Variants in PMFBP1 observed in about 807,000 individuals in gnomAD.
PMFBP1 encodes polyamine modulated factor 1 binding protein 1.
Under a neutral mutation model 137.8 loss-of-function variants are expected in PMFBP1, and 131 were observed. That is an observed-to-expected ratio of 0.95 (90% CI 0.82 to 1.10). PMFBP1 has a LOEUF of 1.10. Among genes scored for constraint, PMFBP1 ranks in the 50% least tolerant of loss-of-function variants. The pLI, the probability that PMFBP1 is intolerant of heterozygous loss-of-function variation, is 0.00. For missense variants in PMFBP1, 1,199 were observed against 1,175.4 expected (o/e 1.02, Z -0.29); for synonymous variants, 490 against 450.4 (o/e 1.09, Z -1.11).
At chr16:72,195,724 C>T in the PMFBP1 span, among the ~76,000 whole-genome samples, 48 of 152,328 alleles carry the variant, frequency 3.2e-4, 2 homozygotes, top group Admixed American at 1.0e-3. Context: ...CACATTGGAG[C>T]GTTCTCAGGG....
At chr16:72,223,122 T>G in the PMFBP1 span, among the ~76,000 whole-genome samples, 14 of 152,218 alleles carry the variant, frequency 9.2e-5, no homozygotes, top group African/African-American at 2.2e-4. Context: ...GAAGTTTTGC[T>G]TCCTGTTCTC....
At chr16:72,193,233 A>C in the PMFBP1 span, among the ~76,000 whole-genome samples, 10 of 152,084 alleles carry the variant, frequency 6.6e-5, no homozygotes, top group African/African-American at 2.4e-4. Context: ...CAATAAAATA[A>C]AATAAAAATT....
chr16:72,236,107 A>G, the PMFBP1 span, among the ~76,000 whole-genome samples: 103 of 152,302 alleles, frequency 6.8e-4, no homozygotes, highest in Non-Finnish European at 1.4e-3. Flanking sequence ...ACCACTAAAT[A>G]CGATATTAAT....
the PMFBP1 span, among the ~76,000 whole-genome samples, chr16:72,215,887 T>A: frequency 5.9e-5 from 9 of 152,334 alleles, no homozygotes; most frequent in South Asian, 1.7e-3. Flanking sequence ...TTTGTTTTTG[T>A]CAGGAAGAGG....
chr16:72,203,647 C>G, the PMFBP1 span, among the ~76,000 whole-genome samples: 9 of 152,222 alleles, frequency 5.9e-5, no homozygotes, highest in African/African-American at 2.2e-4. Context: ...CTAATTATAT[C>G]ACTTCCTGAT....
the PMFBP1 span, among the ~76,000 whole-genome samples, chr16:72,203,084 A>G: frequency 1.3e-5 from 2 of 152,210 alleles, no homozygotes; most frequent in Non-Finnish European, 1.5e-5. Flanking sequence ...TGATTCTTGC[A>G]GTTCTTTGCA....
In PMFBP1 at chr16:72,122,989, C is replaced by A. The variant is rs745599842; in HGVS notation, c.2694-1G>T. 1.9e-6 allele frequency: 3 copies of A among 1,612,360 alleles called. No individual in the cohort carries two copies. Among genetic ancestry groups the A allele is most frequent in the Non-Finnish European group, 2.5e-6 (3 of 1,179,690 alleles). On this transcript the variant is annotated splice_acceptor_variant, in intron 18 of 20. Coordinates refer to ENST00000237353, the MANE Select transcript of PMFBP1 (RefSeq NM_031293.3). LOFTEE classifies it high-confidence loss of function. ...GTTTCCTAGTTTCTCATTGGCGACCCTGTAATAAAATCACAGGAGAAAACA... is the reference window on the plus strand; with the variant it reads ...GTTTCCTAGTTTCTCATTGGCGACCATGTAATAAAATCACAGGAGAAAACA...
intron 19 of PMFBP1, among the ~76,000 whole-genome samples, chr16:72,121,519 C>T (rs147222952): frequency 5.3e-5 from 8 of 152,228 alleles, no homozygotes; most frequent in East Asian, 1.9e-4. Context: ...TGGGGTGCCA[C>T]GAATGGATTC....
the PMFBP1 span, among the ~76,000 whole-genome samples, chr16:72,232,158 T>C: frequency 6.6e-6 from 1 of 152,284 alleles, no homozygotes; most frequent in African/African-American, 2.4e-5. Flanking sequence ...AGTGATGGAT[T>C]TTTCAATCAA....
the PMFBP1 span, among the ~76,000 whole-genome samples, chr16:72,237,632 A>G: frequency 1.3e-5 from 2 of 152,080 alleles, no homozygotes; most frequent in African/African-American, 2.4e-5. Flanking sequence ...CCAACTCTAT[A>G]TGTCTTTTTT....
chr16:72,118,764 G>GGT (rs10659149), downstream of PMFBP1, among the ~76,000 whole-genome samples: 47,809 of 99,508 alleles, frequency 0.48, 7,778 homozygotes, highest in Non-Finnish European at 0.49. Flanking sequence ...GGTGGTGGGC[G>GGT]GGGGGGCAGG....
At chr16:72,227,257 AG>A in the PMFBP1 span, among the ~76,000 whole-genome samples, 1 of 152,250 alleles carries the variant, frequency 6.6e-6, no homozygotes, top group Non-Finnish European at 1.5e-5. Context: ...CACACAGGAT[AG>A]TCTGCACTGT....
intron 15 of PMFBP1, 48 bp from the exon 16 acceptor site, chr16:72,125,453 C>T (rs751948451): frequency 1.3e-6 from 2 of 1,585,456 alleles, no homozygotes; most frequent in Admixed American, 3.6e-5. Context: ...GACTTTGACC[C>T]TCTCTGCTGA....
At chr16:72,125,177 C>T (rs1034172792) in intron 16 of PMFBP1, 61 bp downstream of exon 16, 2 of 1,560,672 alleles carry the variant, frequency 1.3e-6, no homozygotes, top group Non-Finnish European at 1.7e-6. Flanking sequence ...ATTCTGGATG[C>T]AAGAGGTGAC....
the PMFBP1 span, among the ~76,000 whole-genome samples, chr16:72,210,559 C>T: frequency 6.6e-6 from 1 of 151,878 alleles, no homozygotes; most frequent in Non-Finnish European, 1.5e-5. Flanking sequence ...GGATGGAGTG[C>T]AGGTGAGCAA....
intron 7 of PMFBP1, among the ~76,000 whole-genome samples, chr16:72,138,866 G>C (rs2042672188): frequency 7.0e-6 from 1 of 142,300 alleles, no homozygotes; most frequent in Non-Finnish European, 1.5e-5. Context: ...TTTATTATTA[G>C]AATCAACTTT....
intron 3 of PMFBP1, among the ~76,000 whole-genome samples, chr16:72,161,288 G>A (rs1376569684): frequency 6.6e-6 from 1 of 151,634 alleles, no homozygotes; most frequent in Non-Finnish European, 1.5e-5. Flanking sequence ...AGTAGAGATG[G>A]GGTTTTGTCA....
the PMFBP1 span, among the ~76,000 whole-genome samples, chr16:72,239,592 C>T: frequency 1.3e-5 from 2 of 152,004 alleles, no homozygotes; most frequent in Admixed American, 6.6e-5. Flanking sequence ...TCATCTAGTG[C>T]CTCCAAGAAT....
At chr16:72,167,369 A>G (rs922126498) in intron 2 of PMFBP1, among the ~76,000 whole-genome samples, 2 of 152,048 alleles carry the variant, frequency 1.3e-5, no homozygotes, top group African/African-American at 4.8e-5. Flanking sequence ...CATTATCTCA[A>G]AACTCTCCCT....
Sources: allele counts gnomAD v4.1 joint callset (sites outside exome capture counted in the v4.1 genomes callset), GRCh38; gene constraint gnomAD v4.1.1; transcripts MANE v1.5; gene names NCBI Gene and HGNC (gene_info 2026-07-23, HGNC 2026-07-21).